The following SIAE variants were observed in gnomAD, a reference collection of about 807,000 sequenced individuals.
SIAE encodes sialic acid acetylesterase, also known as sialate O-acetylesterase.
Under a neutral mutation model 52.6 loss-of-function variants are expected in SIAE, and 39 were observed. That is an observed-to-expected ratio of 0.74 (90% confidence interval 0.57 to 0.97). The LOEUF (loss-of-function observed/expected upper bound fraction) is 0.97. Ranked by LOEUF, SIAE falls within the 50% of genes least tolerant of loss-of-function variation. The probability of loss-of-function intolerance (pLI) is 0.00; values close to 1 mark genes in which losing one functional copy is unlikely to be tolerated. For missense variants in SIAE, 592 were observed against 662.1 expected, an observed-to-expected ratio of 0.89 and a Z score of 1.16; for synonymous variants, 233 against 241.4, an observed-to-expected ratio of 0.97 and a Z score of 0.32.
At chr11:124,640,572 G>A (rs961353188) in intron 7 of SIAE, among the ~76,000 whole-genome samples, 1 of 152,092 alleles carries the variant, frequency 6.6e-6, no homozygotes, top group African/African-American at 2.4e-5. Context: ...TACAACACAG[G>A]GCTAGGCACT....
intron 1 of SIAE, among the ~76,000 whole-genome samples, chr11:124,669,821 T>C (rs1447470255): frequency 6.6e-6 from 1 of 152,214 alleles, no homozygotes; most frequent in East Asian, 1.9e-4. Flanking sequence ...TTTTTTGCTC[T>C]TGGGCTTGGC....
intron 4 of SIAE, among the ~76,000 whole-genome samples, chr11:124,653,415 G>C (rs1008121074): frequency 6.6e-6 from 1 of 152,116 alleles, no homozygotes; most frequent in Non-Finnish European, 1.5e-5. Flanking sequence ...CCACCTCTGA[G>C]GGAAGGGAAT....
rs116899179 is a variant in SIAE, at chr11:124,648,262, T to C, written c.723-87A>G. The C allele has an allele frequency of 0.015, 13,847 of 949,010 alleles. 149 individuals carry two copies. The highest frequency in any genetic ancestry group is 0.02 in the Non-Finnish European group (11,443 of 583,776). 58.8% of individuals were successfully genotyped at this position (949,010 alleles called of 1,614,324 possible). A position where few individuals can be genotyped will look rare whatever the true frequency, so the allele number is the denominator to read the frequency against. ...TAATTGGTCATCTATCCACTTTCAC[T>C]TGTGGTAAACTTCTGATGAAAGCAA... On this transcript the variant is annotated intron_variant, in intron 5 of 9. Coordinates refer to ENST00000263593, the MANE Select transcript of SIAE (RefSeq NM_170601.5).
chr11:124,643,955 C>A (rs1942888970), intron 7 of SIAE, among the ~76,000 whole-genome samples: 1 of 152,128 alleles, frequency 6.6e-6, no homozygotes, highest in Non-Finnish European at 1.5e-5. Flanking sequence ...CCAGAAAATA[C>A]CTGACATCAT....
At chr11:124,639,689 A>G in intron 8 of SIAE, 21 bp downstream of exon 8, 2 of 1,613,936 alleles carry the variant, frequency 1.2e-6, no homozygotes, top group Non-Finnish European at 1.7e-6. Flanking sequence ...TGTTCATGCA[A>G]AGCCCAAGAA....
chr11:124,671,194 C>T (rs1943348963), intron 1 of SIAE, among the ~76,000 whole-genome samples: 6 of 152,126 alleles, frequency 3.9e-5, no homozygotes, highest in Admixed American at 3.9e-4. Flanking sequence ...TCTTCATAAT[C>T]GTAGTATAAA....
In SIAE at chr11:124,637,014, G is replaced by C; in HGVS notation, c.1509C>G (p.Ala503=). The stretch of plus-strand genomic sequence containing the variant: ...CTGTAATGAAAGCAATGAAGGGAGG[G>C]GCTGGCAGGGCACTACTGGGGTGGT... ...PLYHPSSALP[A]PPFIAFITDQ... Residue 503 remains alanine (A), a synonymous_variant, in exon 10 of 10, where the codon GCC becomes GCG. Transcript: ENST00000263593. 1 of 1,614,204 alleles carries C rather than the reference G, an allele frequency of 6.2e-7. No homozygotes were observed. Among genetic ancestry groups the C allele is most frequent in the South Asian group, 1.1e-5 (1 of 91,072 alleles).
intron 3 of SIAE, among the ~76,000 whole-genome samples, chr11:124,658,229 T>C (rs1401394919): frequency 1.3e-5 from 2 of 148,216 alleles, no homozygotes; most frequent in Non-Finnish European, 3.0e-5. Context: ...TGCGTGTGAG[T>C]GTGTGTCTGT....
chr11:124,673,844 T>G, upstream of SIAE: 1 of 786,292 alleles, frequency 1.3e-6, no homozygotes, highest in South Asian at 2.2e-5. Flanking sequence ...TGGGCTGTAC[T>G]CGCCCCTTCT....
intron 2 of SIAE, among the ~76,000 whole-genome samples, chr11:124,666,970 A>C (rs1300973508): frequency 1.3e-5 from 2 of 152,226 alleles, no homozygotes; most frequent in Non-Finnish European, 2.9e-5. Flanking sequence ...TTAGTTCTGA[A>C]ACAGGCATGA....
intron 4 of SIAE, among the ~76,000 whole-genome samples, chr11:124,653,052 T>C (rs1943039924): frequency 6.6e-6 from 1 of 152,210 alleles, no homozygotes; most frequent in African/African-American, 2.4e-5. Flanking sequence ...TAAGAGTTCA[T>C]AGAGCAAAGG....
chr11:124,657,059 G>A (rs992441638), intron 3 of SIAE, among the ~76,000 whole-genome samples: 23 of 152,164 alleles, frequency 1.5e-4, no homozygotes, highest in African/African-American at 5.6e-4. Flanking sequence ...AAGATGGCCA[G>A]ATGGAAATGA....
upstream of SIAE, chr11:124,675,477 A>G: frequency 6.4e-7 from 1 of 1,574,638 alleles, no homozygotes; most frequent in Non-Finnish European, 8.6e-7. Context: ...TGTTTATGGT[A>G]AAACTTGCTT....
Position 124,639,880 on chromosome 11 carries a change from G to A in SIAE, c.967-13C>T, listed in dbSNP as rs746393109. 4 of 1,613,568 alleles carry A rather than the reference G, an allele frequency of 2.5e-6. No homozygotes were observed. In the South Asian group the frequency reaches 3.3e-5, roughly 13 times the overall value. The stretch of plus-strand genomic sequence containing the variant: ...AATCTGAAGATAACTAGAAAGCAGA[G>A]ACATTGCTAATTTTATTGTATCAGA... On this transcript the variant is annotated splice_polypyrimidine_tract_variant and intron_variant, in intron 7 of 9. Coordinates refer to ENST00000263593, the MANE Select transcript of SIAE (RefSeq NM_170601.5).
intron 7 of SIAE, 49 bp from the exon 8 acceptor site, chr11:124,639,916 G>C (rs1294332946): frequency 6.2e-7 from 1 of 1,604,444 alleles, no homozygotes; most frequent in Non-Finnish European, 8.5e-7. Context: ...ATCCCACACT[G>C]GAGTCTTTTT....
At chr11:124,649,909 T>C (rs1462850060) in intron 4 of SIAE, 113 bp from the exon 5 acceptor site, 2 of 986,482 alleles carry the variant, frequency 2.0e-6, no homozygotes, top group Non-Finnish European at 3.1e-6. Context: ...TCTTCTGTTG[T>C]TTTCTAAGAC....
intron 1 of SIAE, among the ~76,000 whole-genome samples, chr11:124,673,432 A>G (rs980765645): frequency 2.0e-5 from 3 of 152,132 alleles, no homozygotes; most frequent in African/African-American, 7.2e-5. Context: ...AGGGATGGTA[A>G]GTGGGGGGTG....
At chr11:124,638,208 C>T (rs1942783294) in intron 9 of SIAE, among the ~76,000 whole-genome samples, 2 of 152,206 alleles carry the variant, frequency 1.3e-5, no homozygotes, top group Non-Finnish European at 2.9e-5. Flanking sequence ...TATTCTGGAG[C>T]AAGGATCCTT....
chr11:124,652,167 G>A (rs1403335270), intron 4 of SIAE, among the ~76,000 whole-genome samples: 1 of 152,160 alleles, frequency 6.6e-6, no homozygotes, highest in Admixed American at 6.5e-5. Flanking sequence ...GCTTGAGAAT[G>A]AGAATGTGGG....
Sources: allele counts gnomAD v4.1 joint callset (sites outside exome capture counted in the v4.1 genomes callset), GRCh38; gene constraint gnomAD v4.1.1; transcripts MANE v1.5; gene names NCBI Gene and HGNC (gene_info 2026-07-23, HGNC 2026-07-21).